The following GPC5 variants were observed in gnomAD, a reference collection of about 807,000 sequenced individuals.
GPC5 encodes the protein glypican 5, also known as glypican-5.
Under a neutral mutation model 53.9 loss-of-function variants are expected in GPC5, and 47 were observed. That is an observed-to-expected ratio of 0.87 (90% confidence interval 0.69 to 1.11). GPC5 has a LOEUF of 1.11. Among genes scored for constraint, GPC5 ranks in the 50% most tolerant of loss-of-function variants. GPC5 has a pLI of 0.00. For missense variants in GPC5, 748 were observed against 713.1 expected, an observed-to-expected ratio of 1.05 and a Z score of -0.56; for synonymous variants, 286 against 263.3, an observed-to-expected ratio of 1.09 and a Z score of -0.84.
intron 6 of GPC5, among the ~76,000 whole-genome samples, chr13:92,060,373 A>G (rs1247647103): frequency 6.6e-6 from 1 of 152,036 alleles, no homozygotes; most frequent in Non-Finnish European, 1.5e-5. Context: ...TATTTCATTT[A>G]TTTTTCCTCA....
chr13:92,461,770 A>C (rs563637111), intron 7 of GPC5, among the ~76,000 whole-genome samples: 2 of 152,332 alleles, frequency 1.3e-5, no homozygotes, highest in East Asian at 3.9e-4. Flanking sequence ...CCCTTAGCAG[A>C]CACTGGGTCT....
intron 6 of GPC5, among the ~76,000 whole-genome samples, chr13:91,921,920 G>A (rs572777826): frequency 3.3e-5 from 5 of 152,212 alleles, no homozygotes; most frequent in African/African-American, 1.2e-4. Context: ...GCAGTGAGCT[G>A]TGATCACAGC....
intron 6 of GPC5, among the ~76,000 whole-genome samples, chr13:91,922,316 A>T (rs576116545): frequency 1.2e-4 from 19 of 152,264 alleles, no homozygotes; most frequent in South Asian, 2.1e-4. Context: ...TTTAAAAAAA[A>T]CTAAAGGCGA....
chr13:92,069,606 A>G (rs201985543), intron 6 of GPC5, among the ~76,000 whole-genome samples: 6 of 152,134 alleles, frequency 3.9e-5, no homozygotes, highest in Non-Finnish European at 7.4e-5. Flanking sequence ...TGGTACTACT[A>G]TTGAACATGC....
intron 7 of GPC5, among the ~76,000 whole-genome samples, chr13:92,802,366 C>A (rs1876937560): frequency 6.6e-6 from 1 of 151,826 alleles, no homozygotes; most frequent in Non-Finnish European, 1.5e-5. Context: ...ATTCCCACCA[C>A]TAAGCAATGC....
chr13:91,808,094 ATCTT>A (rs1258695440), intron 5 of GPC5, among the ~76,000 whole-genome samples: 1 of 152,152 alleles, frequency 6.6e-6, no homozygotes, highest in East Asian at 1.9e-4. Context: ...TTTAAGATCT[ATCTT>A]TCTAGGAAAA....
At chr13:91,554,572 A>G (rs987867890) in intron 2 of GPC5, among the ~76,000 whole-genome samples, 3 of 152,106 alleles carry the variant, frequency 2.0e-5, no homozygotes, top group Non-Finnish European at 4.4e-5. Context: ...ACAGATCTGT[A>G]CATAATTGGT....
intron 7 of GPC5, among the ~76,000 whole-genome samples, chr13:92,759,083 C>T (rs1439358761): frequency 7.7e-6 from 1 of 130,596 alleles, no homozygotes. Context: ...ACTTTCTACT[C>T]TATCCCACTG....
At chr13:91,983,038 AAG>A (rs35144611) in intron 6 of GPC5, among the ~76,000 whole-genome samples, 61,550 of 151,828 alleles carry the variant, frequency 0.41, 14,494 homozygotes, top group East Asian at 0.75. Flanking sequence ...CAACTGGACT[AAG>A]AGCAACATAA....
At chr13:92,312,875 G>A (rs541648005) in intron 7 of GPC5, among the ~76,000 whole-genome samples, 19 of 151,930 alleles carry the variant, frequency 1.3e-4, no homozygotes, top group Non-Finnish European at 2.5e-4. Context: ...TGTCATCCGT[G>A]GTATAGGAAT....
chr13:92,770,540 T>C (rs1875575653), intron 7 of GPC5, among the ~76,000 whole-genome samples: 1 of 152,192 alleles, frequency 6.6e-6, no homozygotes, highest in African/African-American at 2.4e-5. Context: ...GACCTTCTTT[T>C]ATCTTGTGTT....
At chr13:92,262,906 C>A (rs994359537) in intron 7 of GPC5, among the ~76,000 whole-genome samples, 1 of 152,104 alleles carries the variant, frequency 6.6e-6, no homozygotes, top group African/African-American at 2.4e-5. Flanking sequence ...TAGGCTAAGC[C>A]TTGAATCAAG....
intron 2 of GPC5, among the ~76,000 whole-genome samples, chr13:91,538,758 A>G (rs930957636): frequency 6.6e-6 from 1 of 150,852 alleles, no homozygotes. Context: ...GATTTTTTGT[A>G]TTTTTAGTAG....
At chr13:91,533,641 C>T (rs532855649) in intron 2 of GPC5, among the ~76,000 whole-genome samples, 4 of 152,116 alleles carry the variant, frequency 2.6e-5, no homozygotes, top group Middle Eastern at 3.4e-3. Flanking sequence ...AGTCTGGGAG[C>T]ATTAAAAAAG....
intron 7 of GPC5, among the ~76,000 whole-genome samples, chr13:92,500,682 G>C (rs1566617758): frequency 6.6e-6 from 1 of 152,148 alleles, no homozygotes; most frequent in Non-Finnish European, 1.5e-5. Context: ...CAGCAGTGAA[G>C]TCTTGCAGCT....
chr13:92,597,277 TAA>T (rs562265568), intron 7 of GPC5, among the ~76,000 whole-genome samples: 2 of 147,832 alleles, frequency 1.4e-5, no homozygotes, highest in Admixed American at 6.7e-5. Context: ...TTTTTTTTTT[TAA>T]AAAGGATGTA....
chr13:92,727,973 A>C lies in GPC5; in HGVS notation c.1562-138309A>C, dbSNP rs77900748. Among the ~76,000 whole-genome samples the C allele has an allele frequency of 6.9e-4, 104 of 151,572 alleles. 1 individual carries two copies. The highest frequency in any genetic ancestry group is 2.2e-3 in the African/African-American group (92 of 41,482). On this transcript the variant is annotated intron_variant, in intron 7 of 7. Transcript: ENST00000377067. Reference sequence around the variant, plus strand: ...TGCTTTTGTTCATGCTTTATAAAAAAATCTCTCCATGTTTTTGTTTGTTTG... The same window carrying C: ...TGCTTTTGTTCATGCTTTATAAAAACATCTCTCCATGTTTTTGTTTGTTTG...
At chr13:92,162,865 C>A (rs529284182) in intron 7 of GPC5, among the ~76,000 whole-genome samples, 1 of 152,128 alleles carries the variant, frequency 6.6e-6, no homozygotes, top group South Asian at 2.1e-4. Context: ...TTGGTCACTC[C>A]CTCACCTGCT....
chr13:92,147,238 G>C (rs1247213486), intron 7 of GPC5, among the ~76,000 whole-genome samples: 1 of 151,692 alleles, frequency 6.6e-6, no homozygotes. Context: ...ACTGTATTTA[G>C]GAATTATAAC....
Sources: gnomAD v4.1 joint callset for allele counts (sites outside exome capture counted in the v4.1 genomes callset) on GRCh38, gnomAD v4.1.1 for gene constraint, MANE v1.5 for transcripts, NCBI Gene and HGNC (gene_info 2026-07-23, HGNC 2026-07-21) for gene names.